Variants in MAGEA10 observed in about 807,000 individuals in gnomAD.
MAGEA10 encodes melanoma-associated antigen 10.
A neutral mutation model predicts 8.6 loss-of-function variants in MAGEA10; 7 were observed. The observed-to-expected ratio is 0.82, with a 90% CI of 0.46 to 1.53. The LOEUF (loss-of-function observed/expected upper bound fraction) is 1.53. Ranked by LOEUF, MAGEA10 falls within the 40% of genes most tolerant of loss-of-function variation. The pLI, the probability that MAGEA10 is intolerant of heterozygous loss-of-function variation, is 0.01. For missense variants in MAGEA10, 293 were observed against 274.0 expected (o/e 1.07, Z -0.49); for synonymous variants, 125 against 107.4 (o/e 1.16, Z -1.02).
In MAGEA10 at chrX:152,134,267, T is replaced by C. The variant is rs910741635; in HGVS notation, c.*244A>G. ...ATTTATCATTTCTTTTTGGTGACAA[T>C]ATTGAAAAGCCTTCCTTCTAGCTGT... is the stretch of plus-strand genomic sequence containing the variant. On this transcript the variant is annotated 3_prime_UTR_variant, in exon 4 of 4. Transcript: ENST00000370323. The C allele has an allele frequency of 8.4e-5, 28 of 333,267 alleles. No individual in the cohort carries two copies. The highest frequency in any genetic ancestry group is 4.8e-4 in the Admixed American group (9 of 18,822). 27.5% of individuals were successfully genotyped at this position (333,267 alleles called of 1,213,427 possible).
chrX:152,135,568 G>C lies in MAGEA10; in HGVS notation c.53C>G (p.Ser18Cys). 8.7e-7 allele frequency: 1 copy of C among 1,150,293 alleles called. No individual in the cohort carries two copies. The highest frequency in any genetic ancestry group is 2.5e-4 in the Middle Eastern group (1 of 4,051). The allele number at this position is 1,150,293 out of a possible 1,213,427, so 94.8% of individuals were successfully genotyped here. The change falls in exon 4 of 4, where the codon TCC becomes TGC. Residue 18 changes from serine (S) to cysteine (C), a missense_variant. By Grantham distance (112) the Ser-to-Cys change is moderately radical. Transcript: ENST00000370323. ...CTCGAGGCCCTGTGTCTCACTTTGG[G>C]ATTGAAGATCTTCTTCAGGCATGCA... ...QRCMPEEDLQ[S>C]QSETQGLEGA...
chrX:152,136,648 C>T (rs1936680718), intron 2 of MAGEA10, among the ~76,000 whole-genome samples: 1 of 111,283 alleles, frequency 9.0e-6, no homozygotes, highest in South Asian at 3.8e-4. Flanking sequence ...ACCTTGACTC[C>T]TGGCAGGGTC....
In MAGEA10 at chrX:152,133,929, T is replaced by TA. The variant is rs761732676; in HGVS notation, c.*581dup. On this transcript the variant is annotated 3_prime_UTR_variant, in exon 4 of 4. Coordinates refer to ENST00000370323, the MANE Select transcript of MAGEA10 (RefSeq NM_021048.5). ...CCAGAGCAATAGAGTGAGACTTTGT[T>TA]AAAAAAAAAAAAAGAAGAAGAAGAA... 1,147 of 94,574 alleles carry TA rather than the reference T, an allele frequency of 0.012. 17 individuals carry two copies. Among genetic ancestry groups the TA allele is most frequent in the African/African-American group, 0.033 (865 of 25,919 alleles). 7.8% of individuals were successfully genotyped at this position (94,574 alleles called of 1,213,427 possible).
In MAGEA10 at chrX:152,135,627, T is replaced by G. The variant is rs750875467; in HGVS notation, c.-7A>C. On this transcript the variant is annotated 5_prime_UTR_variant, in exon 4 of 4. Coordinates refer to ENST00000370323, the MANE Select transcript of MAGEA10 (RefSeq NM_021048.5). ...GCTTTGGAGCTCGAGGCATGATGAC[T>G]CTGATCAGGGTAGCAGGTGGGAGTG... is the stretch of plus-strand genomic sequence containing the variant. The G allele has an allele frequency of 2.7e-6, 3 of 1,130,909 alleles. No homozygotes were observed. In the East Asian group the frequency reaches 9.1e-5, roughly 34 times the overall value. 93.2% of individuals were successfully genotyped at this position (1,130,909 alleles called of 1,213,427 possible).
At chrX:152,137,124 A>G in intron 1 of MAGEA10, among the ~76,000 whole-genome samples, 155 bp from the exon 2 acceptor site, 1 of 109,723 alleles carries the variant, frequency 9.1e-6, no homozygotes, top group Middle Eastern at 4.8e-3. Flanking sequence ...CTTAGTGCCA[A>G]TCCTGATCAG....
At chrX:152,138,438 G>C (rs1027477779) in intron 1 of MAGEA10, 37 bp downstream of exon 1, 1 of 107,632 alleles carries the variant, frequency 9.3e-6, no homozygotes, top group East Asian at 3.0e-4. Flanking sequence ...TTTCTATCTG[G>C]GTTGGGGGCG....
rs1295284230 is a variant in MAGEA10 at position 152,133,946 on chromosome X, G to A, written c.*565C>T. 9.3e-6 allele frequency: 1 copy of A among 107,502 alleles called. No individual in the cohort carries two copies. Among genetic ancestry groups the A allele is most frequent in the Non-Finnish European group, 1.9e-5 (1 of 52,111 alleles). The allele number at this position is 107,502 out of a possible 1,213,427, so 8.9% of individuals were successfully genotyped here. On this transcript the variant is annotated 3_prime_UTR_variant, in exon 4 of 4. Coordinates refer to ENST00000370323, the MANE Select transcript of MAGEA10 (RefSeq NM_021048.5). ...GACTTTGTTAAAAAAAAAAAAAGAA[G>A]AAGAAGAAAAAGAAAATAAAATACC...
chrX:152,137,366 CGATCACACCTGCATGG>C (rs1936697290), intron 1 of MAGEA10, among the ~76,000 whole-genome samples: 1 of 95,884 alleles, frequency 1.0e-5, no homozygotes, highest in South Asian at 5.5e-4. Context: ...GGGCACCACA[CGATCACACCTGCATGG>C]GATTCCCAAA....
rs772633959 is a variant in MAGEA10 at position 152,136,893 on chromosome X, G to A, written c.-162C>T. 11 of 111,291 alleles carry A rather than the reference G, an allele frequency of 9.9e-5. No homozygotes were observed. The highest frequency in any genetic ancestry group is 3.9e-4 in the South Asian group (1 of 2,595). 9.2% of individuals were successfully genotyped at this position (111,291 alleles called of 1,213,427 possible). Reference sequence around the variant, plus strand: ...TACCTGGACTCTTGTCAGATCCTGCGACCCACTGTGTCTGTAGAAAAGAGG... The same window carrying A: ...TACCTGGACTCTTGTCAGATCCTGCAACCCACTGTGTCTGTAGAAAAGAGG... On this transcript the variant is annotated 5_prime_UTR_variant, in exon 2 of 4. Coordinates refer to ENST00000370323, the MANE Select transcript of MAGEA10 (RefSeq NM_021048.5).
rs1441769633 is a variant in MAGEA10 at position 152,136,959 on chromosome X, T to G, written c.-228A>C. The G allele has an allele frequency of 2.7e-5, 3 of 111,350 alleles. No homozygotes were observed. Among genetic ancestry groups the G allele is most frequent in the African/African-American group, 9.8e-5 (3 of 30,543 alleles). 9.2% of individuals were successfully genotyped at this position (111,350 alleles called of 1,213,427 possible). On this transcript the variant is annotated 5_prime_UTR_variant, in exon 2 of 4. Coordinates refer to ENST00000370323, the MANE Select transcript of MAGEA10 (RefSeq NM_021048.5). ...CTTGAGTCACCCTCTGAGAGCAAGG[T>G]TCTCACCTCCCTGAGATTCCAAAAC...
At position 152,134,875 on chromosome X, in the gene MAGEA10, G is replaced by C; in HGVS notation, c.746C>G (p.Ala249Gly). The C allele has an allele frequency of 8.3e-7, 1 of 1,211,234 alleles. No individual in the cohort carries two copies. Among genetic ancestry groups the C allele is most frequent in the African/African-American group, 1.7e-5 (1 of 57,599 alleles). Residue 249 changes from alanine to glycine, a missense_variant, in exon 4 of 4, where the codon GCA becomes GGA. Transcript: ENST00000370323. The stretch of plus-strand genomic sequence containing the variant: ...ATCATACAGCCCCATCATATTCAGT[G>C]CTTCCCAGATGACCTCCTCAGGGGT... ...YCTPEEVIWE[A>G]LNMMGLYDGM...
chrX:152,134,540 C>T lies in MAGEA10; in HGVS notation c.1081G>A (p.Ala361Thr), dbSNP rs201636610. ...TTAMASASSS[A>T]TGSFSYPE ...TCAGGGTAGGAGAAGCTACCTGTAGCGCTAGAACTTGCACTGGCCATGGCA... is the reference window on the plus strand; with the variant it reads ...TCAGGGTAGGAGAAGCTACCTGTAGTGCTAGAACTTGCACTGGCCATGGCA... Residue 361 changes from alanine (A) to threonine (T), a missense_variant, in exon 4 of 4, where the codon GCT (alanine) becomes ACT (threonine). By Grantham distance (58) the Ala-to-Thr change is moderately conservative. Coordinates refer to ENST00000370323, the MANE Select transcript of MAGEA10 (RefSeq NM_021048.5). 3.2e-4 allele frequency: 380 copies of T among 1,205,953 alleles called. No individual in the cohort carries two copies. In the East Asian group the frequency reaches 8.7e-3, roughly 28 times the overall value.
intron 1 of MAGEA10, among the ~76,000 whole-genome samples, chrX:152,137,532 C>T (rs1962370): frequency 0.19 from 20,653 of 106,391 alleles, 1,583 homozygotes; most frequent in Admixed American, 0.26. Context: ...CCCTTTCCCT[C>T]CTGCTGAATC....
In MAGEA10 at chrX:152,134,529, G is replaced by A. The variant is rs902274401; in HGVS notation, c.1092C>T (p.Ser364=). The change falls in exon 4 of 4, where the codon AGC becomes AGT. Residue 364 remains serine, a synonymous_variant. Transcript: ENST00000370323. ...MASASSSATG[S]FSYPE is the part of the protein sequence containing the mutation. ...TCTTACTTTATTCAGGGTAGGAGAA[G>A]CTACCTGTAGCGCTAGAACTTGCAC... 6.6e-6 allele frequency: 8 copies of A among 1,204,085 alleles called. No individual in the cohort carries two copies. The Admixed American group carries it at 1.8e-4, about 27-fold the overall frequency.
chrX:152,135,456 G>C lies in MAGEA10; in HGVS notation c.165C>G (p.Ser55=), dbSNP rs752835890. ...SSSFPSSFPS[S]SSSSSSSCYP... is the part of the protein sequence containing the mutation. ...AGCAGGAGGAGGAGGAGGAAGAGGA[G>C]GAGGAGGGAAAAGAGGATGGAAAAG... The change falls in exon 4 of 4, where the codon TCC becomes TCG. Residue 55 remains serine (S), a synonymous_variant. Coordinates refer to ENST00000370323, the MANE Select transcript of MAGEA10 (RefSeq NM_021048.5). The C allele has an allele frequency of 2.5e-6, 3 of 1,198,576 alleles. No individual in the cohort carries two copies. The highest frequency in any genetic ancestry group is 3.4e-6 in the Non-Finnish European group (3 of 889,153).
rs149860947 is a variant in MAGEA10, at chrX:152,135,088, T to A, written c.533A>T (p.Glu178Val). The change falls in exon 4 of 4, where the codon GAA (glutamate) becomes GTA (valine). Residue 178 changes from glutamate to valine, a missense_variant. Physicochemically the swap from Glu to Val is moderately radical, Grantham distance 121. Transcript: ENST00000370323. ...YEDHFPLLFS[E>V]ASECMLLVFG... ...GACCAGCAGCATGCACTCGGAGGCT[T>A]CACTAAACAACAAAGGGAAGTGGTC... 3 of 1,209,476 alleles carry A rather than the reference T, an allele frequency of 2.5e-6. No homozygotes were observed. The East Asian group carries it at 8.9e-5, about 36-fold the overall frequency.
Position 152,134,409 on chromosome X carries a change from T to C in MAGEA10, c.*102A>G. 6.5e-6 allele frequency: 5 copies of C among 763,955 alleles called. No individual in the cohort carries two copies. Among genetic ancestry groups the C allele is most frequent in the African/African-American group, 2.2e-5 (1 of 45,622 alleles). 63.0% of individuals were successfully genotyped at this position (763,955 alleles called of 1,213,427 possible). On this transcript the variant is annotated 3_prime_UTR_variant, in exon 4 of 4. Transcript: ENST00000370323. Reference sequence around the variant, plus strand: ...ACTACTGCTCTACTCTCTACTTCCATGATACCAACTTTTTTTTTTTTTTTT... The same window carrying C: ...ACTACTGCTCTACTCTCTACTTCCACGATACCAACTTTTTTTTTTTTTTTT...
At position 152,134,841 on chromosome X, in the gene MAGEA10, C is replaced by T. The variant is rs752081589; in HGVS notation, c.780G>A (p.Glu260=). The change falls in exon 4 of 4, where the codon GAG becomes GAA. Residue 260 remains glutamate, a synonymous_variant. Transcript: ENST00000370323. The part of the protein sequence containing the change: ...LNMMGLYDGM[E]HLIYGEPRKL... Reference sequence around the variant, plus strand: ...TCCTGGGCTCCCCATAAATGAGGTGCTCCATCCCATCATACAGCCCCATCA... The same window carrying T: ...TCCTGGGCTCCCCATAAATGAGGTGTTCCATCCCATCATACAGCCCCATCA... 2 of 1,209,498 alleles carry T rather than the reference C, an allele frequency of 1.7e-6. No individual in the cohort carries two copies. The highest frequency in any genetic ancestry group is 1.8e-5 in the African/African-American group (1 of 56,973).
intron 1 of MAGEA10, 38 bp from the exon 2 acceptor site, chrX:152,137,007 C>T (rs1030793670): frequency 4.5e-5 from 5 of 110,973 alleles, no homozygotes; most frequent in Admixed American, 3.8e-4. Flanking sequence ...GAGCCACATC[C>T]TGTCATCCCT....
Sources: allele counts gnomAD v4.1 joint callset (sites outside exome capture counted in the v4.1 genomes callset), GRCh38; gene constraint gnomAD v4.1.1; transcripts MANE v1.5; gene names NCBI Gene and HGNC (gene_info 2026-07-23, HGNC 2026-07-21).